Variants in GSPT1 observed in about 807,000 individuals in gnomAD.
The protein encoded by GSPT1 is eukaryotic peptide chain release factor GTP-binding subunit ERF3A.
In GSPT1, 20 loss-of-function variants were observed where a neutral mutation model predicts 72.5. That is an observed-to-expected ratio of 0.28 (90% CI 0.19 to 0.40). The LOEUF (loss-of-function observed/expected upper bound fraction) is 0.40, where lower values mean the gene tolerates loss of function less well. Among genes scored for constraint, GSPT1 ranks in the 10% least tolerant of loss-of-function variants. GSPT1 has a pLI of 1.00. For missense variants in GSPT1, 580 were observed against 811.9 expected (o/e 0.71, Z 3.47); for synonymous variants, 334 against 293.5 (o/e 1.14, Z -1.41).
At position 11,872,686 on chromosome 16, in the gene GSPT1, T is replaced by C. The variant is rs894056299; in HGVS notation, c.*433A>G. 2 of 154,896 alleles carry C rather than the reference T, an allele frequency of 1.3e-5. No homozygotes were observed. Among genetic ancestry groups the C allele is most frequent in the African/African-American group, 2.4e-5 (1 of 41,592 alleles). The allele number at this position is 154,896 out of a possible 1,614,324, so 9.6% of individuals were successfully genotyped here. On this transcript the variant is annotated 3_prime_UTR_variant, in exon 15 of 15. Coordinates refer to ENST00000434724, the MANE Select transcript of GSPT1 (RefSeq NM_002094.4). The stretch of plus-strand genomic sequence containing the variant: ...TTCAAATACCGAAAAGGATTTCAAA[T>C]TGAATATTTTATTAACATGGTAGTT...
Position 11,873,046 on chromosome 16 carries a change from G to A in GSPT1, c.*73C>T. The A allele has an allele frequency of 1.2e-6, 1 of 809,258 alleles. No individual in the cohort carries two copies. 50.1% of individuals were successfully genotyped at this position (809,258 alleles called of 1,614,324 possible). A position where few individuals can be genotyped will look rare whatever the true frequency, so the allele number is the denominator to read the frequency against. ...AGGTTTATCAATGGGCAGAAAATAA[G>A]AGAAGGCGGTGTGAAGTAGGCTTCT... On this transcript the variant is annotated 3_prime_UTR_variant, in exon 15 of 15. Coordinates refer to ENST00000434724, the MANE Select transcript of GSPT1 (RefSeq NM_002094.4).
At chr16:11,874,454 C>CTT (rs200991035) in intron 14 of GSPT1, among the ~76,000 whole-genome samples, 7,135 of 94,020 alleles carry the variant, frequency 0.076, 942 homozygotes, top group Non-Finnish European at 0.1. Flanking sequence ...GCCAAGTTAG[C>CTT]TTTTTTTTTT....
At chr16:11,897,489 G>A (rs1567446225) in intron 3 of GSPT1, among the ~76,000 whole-genome samples, 1 of 152,176 alleles carries the variant, frequency 6.6e-6, no homozygotes, top group Admixed American at 6.5e-5. Context: ...AGAAGCTGAG[G>A]CAGGAGAAGC....
intron 10 of GSPT1, among the ~76,000 whole-genome samples, chr16:11,884,349 T>C (rs528581585): frequency 6.6e-6 from 1 of 152,362 alleles, no homozygotes; most frequent in South Asian, 2.1e-4. Flanking sequence ...CACTAAGATA[T>C]GATCCCTGGC....
chr16:11,891,368 ATT>A (rs199882055), intron 5 of GSPT1, among the ~76,000 whole-genome samples: 13 of 144,286 alleles, frequency 9.0e-5, no homozygotes, highest in East Asian at 5.9e-4. Context: ...ATATATATAT[ATT>A]TTTTTTTTTG....
intron 5 of GSPT1, among the ~76,000 whole-genome samples, chr16:11,892,829 CAAAAAAA>C (rs57546698): frequency 1.7e-3 from 54 of 31,224 alleles, no homozygotes; most frequent in African/African-American, 7.1e-3. Flanking sequence ...GATTCTGTCT[CAAAAAAA>C]AAAAAAAAAA....
Position 11,887,726 on chromosome 16 carries a change from T to G in GSPT1, c.801A>C (p.Thr267=). Residue 267 remains threonine (T), a synonymous_variant, in exon 7 of 15, where the codon ACA becomes ACC. Coordinates refer to ENST00000434724, the MANE Select transcript of GSPT1 (RefSeq NM_002094.4). The part of the protein sequence containing the change: ...ETWYLSWALD[T]NQEERDKGKT... ...TACCCTTGTCTCGTTCTTCCTGATT[T>G]GTGTCTAAGGCCCAAGACAAGTACC... 3 of 1,611,876 alleles carry G rather than the reference T, an allele frequency of 1.9e-6. No homozygotes were observed. Among genetic ancestry groups the G allele is most frequent in the Non-Finnish European group, 2.5e-6 (3 of 1,178,726 alleles).
At chr16:11,889,603 G>A (rs2054229928) in intron 6 of GSPT1, among the ~76,000 whole-genome samples, 1 of 151,712 alleles carries the variant, frequency 6.6e-6, no homozygotes. Context: ...CGCCTCCCAG[G>A]TTCAAGTGAT....
At chr16:11,903,234 G>T (rs2054439049) in intron 1 of GSPT1, among the ~76,000 whole-genome samples, 1 of 152,114 alleles carries the variant, frequency 6.6e-6, no homozygotes, top group African/African-American at 2.4e-5. Context: ...TTTCAAGCCA[G>T]GCACGGTGGC....
At chr16:11,911,667 C>T (rs187112157) in intron 1 of GSPT1, among the ~76,000 whole-genome samples, 161 of 151,372 alleles carry the variant, frequency 1.1e-3, no homozygotes, top group African/African-American at 3.7e-3. Context: ...ATTCTCCTGC[C>T]TCAGCCTCCC....
In GSPT1 at chr16:11,894,155, CAAAAAAAAAAAAAAAAAAAAAAAAA is replaced by C. The variant is rs57226427; in HGVS notation, c.698+774_698+798del. Reference sequence around the variant, plus strand: ...TTGGTGACAGAATGAGACCCTATCTCAAAAAAAAAAAAAAAAAAAAAAAAAAAAAAAAAAAAAAAATTTAACTAGG... The same window carrying C: ...TTGGTGACAGAATGAGACCCTATCTCAAAAAAAAAAAAAAATTTAACTAGG... On this transcript the variant is annotated intron_variant, in intron 5 of 14. Coordinates refer to ENST00000434724, the MANE Select transcript of GSPT1 (RefSeq NM_002094.4). 3.3e-4 allele frequency among the ~76,000 whole-genome samples: 14 copies of C among 42,662 alleles called. 1 individual carries two copies. Among genetic ancestry groups the C allele is most frequent in the African/African-American group, 1.1e-3 (12 of 11,324 alleles). The allele number at this position is 42,662 out of a possible 152,430, so 28.0% of individuals were successfully genotyped here. A position where few individuals can be genotyped will look rare whatever the true frequency, so the allele number is the denominator to read the frequency against.
intron 1 of GSPT1, chr16:11,914,908 A>G (rs1025490651): frequency 1.8e-5 from 14 of 778,266 alleles, no homozygotes; most frequent in African/African-American, 5.4e-5. Flanking sequence ...GCAGCAGAAG[A>G]CGCTCTCTCG....
chr16:11,913,434 G>C (rs752477424), intron 1 of GSPT1, among the ~76,000 whole-genome samples: 2 of 152,158 alleles, frequency 1.3e-5, no homozygotes, highest in Admixed American at 1.3e-4. Flanking sequence ...ACAGGTTTTC[G>C]CATCTCCAAT....
intron 1 of GSPT1, among the ~76,000 whole-genome samples, chr16:11,909,420 G>C (rs1051375795): frequency 1.3e-4 from 20 of 152,254 alleles, no homozygotes; most frequent in African/African-American, 4.6e-4. Flanking sequence ...TGATTGTTCT[G>C]AGGACCTCAG....
At position 11,877,131 on chromosome 16, in the gene GSPT1, T is replaced by C. The variant is rs1383463313; in HGVS notation, c.1602+276A>G. 6.6e-6 allele frequency among the ~76,000 whole-genome samples: 1 copy of C among 152,190 alleles called. No homozygotes were observed. The highest frequency in any genetic ancestry group is 2.4e-5 in the African/African-American group (1 of 41,456). ...AACTGTGCTCTGGTCAAAGTGAATA[T>C]TAGATACTGTAGAATGTATCATCAG... is the stretch of plus-strand genomic sequence containing the variant. On this transcript the variant is annotated intron_variant, in intron 12 of 14. Transcript: ENST00000434724. The surrounding 1 kb of genome is among the most constrained non-coding windows in gnomAD (Gnocchi z 4.0).
At position 11,914,259 on chromosome 16, in the gene GSPT1, T is replaced by A. The variant is rs33622; in HGVS notation, c.352+1110A>T. Among the ~76,000 whole-genome samples, 1,063 of 152,258 alleles carry A rather than the reference T, an allele frequency of 7.0e-3. 11 individuals carry two copies. Among genetic ancestry groups the A allele is most frequent in the Non-Finnish European group, 6.7e-3 (458 of 68,034 alleles). On this transcript the variant is annotated intron_variant, in intron 1 of 14. Coordinates refer to ENST00000434724, the MANE Select transcript of GSPT1 (RefSeq NM_002094.4). The stretch of plus-strand genomic sequence containing the variant: ...GAAGAGAATACTTAAGTTCACTCAT[T>A]TGACATTCCCACAAAATCAGTACCT...
In GSPT1 at chr16:11,915,875, G is replaced by C. The variant is rs1567456829; in HGVS notation, c.-155C>G. On this transcript the variant is annotated 5_prime_UTR_variant, in exon 1 of 15. Coordinates refer to ENST00000434724, the MANE Select transcript of GSPT1 (RefSeq NM_002094.4). ...GATCCCCGGCGTCGCCGCGGCAGCA[G>C]CTCCAGTCCCGACTCCACACTCGCG... is the stretch of plus-strand genomic sequence containing the variant. 1 of 1,152,110 alleles carries C rather than the reference G, an allele frequency of 8.7e-7. No homozygotes were observed. The highest frequency in any genetic ancestry group is 2.4e-5 in the East Asian group (1 of 41,246). 71.4% of individuals were successfully genotyped at this position (1,152,110 alleles called of 1,614,324 possible).
chr16:11,888,677 G>A (rs1422496099), intron 6 of GSPT1, among the ~76,000 whole-genome samples: 11 of 152,010 alleles, frequency 7.2e-5, no homozygotes, highest in Admixed American at 1.3e-4. Flanking sequence ...CAGGAGAATC[G>A]CTTGAACCCA....
chr16:11,894,155 CAAAAAAAAAAAAAAAAAAA>C lies in GSPT1; in HGVS notation c.698+780_698+798del, dbSNP rs57226427. Among the ~76,000 whole-genome samples the C allele has an allele frequency of 1.2e-3, 51 of 42,674 alleles. 1 individual carries two copies. Among genetic ancestry groups the C allele is most frequent in the African/African-American group, 2.6e-3 (30 of 11,336 alleles). The allele number at this position is 42,674 out of a possible 152,430, so 28.0% of individuals were successfully genotyped here. ...TTGGTGACAGAATGAGACCCTATCT[CAAAAAAAAAAAAAAAAAAA>C]AAAAAAAAAAAAAAAAAAAAATTTA... On this transcript the variant is annotated intron_variant, in intron 5 of 14. Transcript: ENST00000434724.
Sources: gnomAD v4.1 joint callset for allele counts (sites outside exome capture counted in the v4.1 genomes callset) on GRCh38, gnomAD v4.1.1 for gene constraint, Gnocchi (gnomAD v3.1) non-coding constraint, MANE v1.5 for transcripts, NCBI Gene and HGNC (gene_info 2026-07-23, HGNC 2026-07-21) for gene names.